The following BTBD9 variants were observed in gnomAD, a reference collection of about 807,000 sequenced individuals.
BTBD9 encodes the protein BTB/POZ domain-containing protein 9.
A neutral mutation model predicts 64.3 loss-of-function variants in BTBD9; 49 were observed. The ratio of observed to expected loss-of-function variants is 0.76; its 90% confidence interval spans 0.61 to 0.97. BTBD9 has a LOEUF of 0.97. Among genes scored for constraint, BTBD9 ranks in the 50% least tolerant of loss-of-function variants. The probability of loss-of-function intolerance (pLI) is 0.00; values close to 1 mark genes in which losing one functional copy is unlikely to be tolerated. For synonymous variants in BTBD9, 260 were observed against 274.7 expected, an observed-to-expected ratio of 0.95 and a Z score of 0.53; for missense variants, 598 against 762.1, an observed-to-expected ratio of 0.78 and a Z score of 2.53.
rs569950242 is a variant in BTBD9 at position 38,355,457 on chromosome 6, C to A, written c.1155-10364G>T. Among the ~76,000 whole-genome samples, 668 of 152,230 alleles carry A rather than the reference C, an allele frequency of 4.4e-3. 1 individual carries two copies. The highest frequency in any genetic ancestry group is 0.031 in the Middle Eastern group (9 of 292). ...CCCCAAAGCTTCTTGAGAGTTTTAC[C>A]ATTCATGACCTAGACTCTGCTGGTA... On this transcript the variant is annotated intron_variant, in intron 6 of 10. Coordinates refer to ENST00000481247, the MANE Select transcript of BTBD9 (RefSeq NM_001099272.2).
At chr6:38,579,825 A>G (rs1304721856) in intron 5 of BTBD9, among the ~76,000 whole-genome samples, 1 of 152,184 alleles carries the variant, frequency 6.6e-6, no homozygotes, top group Non-Finnish European at 1.5e-5. Context: ...AGCTTTTTGT[A>G]TATCTAATCT....
chr6:38,585,988 A>G (rs1776505690), intron 4 of BTBD9, among the ~76,000 whole-genome samples: 1 of 150,716 alleles, frequency 6.6e-6, no homozygotes, highest in African/African-American at 2.4e-5. Flanking sequence ...ACGCATATTT[A>G]TGTGTTAACC....
rs61334171 is a variant in BTBD9, at chr6:38,378,873, C to CA, written c.1155-33781dup. The stretch of plus-strand genomic sequence containing the variant: ...TGGGCGACAAAGCAAGACTCCATCT[C>CA]AAAAAAAAAAAAAAAGAAAAAAAAG... On this transcript the variant is annotated intron_variant, in intron 6 of 10. Transcript: ENST00000481247. 2.9e-3 allele frequency among the ~76,000 whole-genome samples: 317 copies of CA among 110,088 alleles called. 2 individuals are homozygous for CA. Among genetic ancestry groups the CA allele is most frequent in the African/African-American group, 2.9e-3 (93 of 32,070 alleles). The allele number at this position is 110,088 out of a possible 152,430, so 72.2% of individuals were successfully genotyped here.
intron 9 of BTBD9, among the ~76,000 whole-genome samples, chr6:38,203,063 T>C (rs1293693551): frequency 6.6e-6 from 1 of 152,088 alleles, no homozygotes; most frequent in African/African-American, 2.4e-5. Context: ...CCAAAGGGTA[T>C]ATGAAAAAAT....
At chr6:38,475,912 G>A (rs1010426166) in intron 6 of BTBD9, among the ~76,000 whole-genome samples, 1 of 152,108 alleles carries the variant, frequency 6.6e-6, no homozygotes, top group African/African-American at 2.4e-5. Flanking sequence ...CTGGAAACAC[G>A]ATGGCTCTAG....
intron 8 of BTBD9, among the ~76,000 whole-genome samples, chr6:38,269,631 C>T (rs1391619886): frequency 6.6e-6 from 1 of 151,244 alleles, no homozygotes; most frequent in Non-Finnish European, 1.5e-5. Flanking sequence ...CTATACTGAA[C>T]AGGAGGCCCA....
chr6:38,324,553 C>T (rs1763348610), intron 7 of BTBD9, among the ~76,000 whole-genome samples: 2 of 152,070 alleles, frequency 1.3e-5, no homozygotes, highest in Admixed American at 6.5e-5. Context: ...CAGACTATGG[C>T]AACAGGGAGA....
In BTBD9 at chr6:38,371,414, C is replaced by T. The variant is rs182929690; in HGVS notation, c.1155-26321G>A. 9.1e-4 allele frequency among the ~76,000 whole-genome samples: 138 copies of T among 152,310 alleles called. No homozygotes were observed. The Middle Eastern group carries it at 0.01, about 11-fold the overall frequency. ...GCTAAGAACACTTAGGATTACCAGA[C>T]GATCACTGGCTGGGAGGACTAGGGT... On this transcript the variant is annotated intron_variant, in intron 6 of 10. Coordinates refer to ENST00000481247, the MANE Select transcript of BTBD9 (RefSeq NM_001099272.2).
At chr6:38,580,619 G>A (rs1232142605) in intron 4 of BTBD9, among the ~76,000 whole-genome samples, 182 bp from the exon 5 acceptor site, 1 of 152,184 alleles carries the variant, frequency 6.6e-6, no homozygotes, top group Non-Finnish European at 1.5e-5. Context: ...TCAGAGGCCG[G>A]GTGCAGTGGC....
Position 38,237,875 on chromosome 6 carries a change from T to C in BTBD9, c.1562+18534A>G, listed in dbSNP as rs975155848. On this transcript the variant is annotated intron_variant, in intron 9 of 10. Coordinates refer to ENST00000481247, the MANE Select transcript of BTBD9 (RefSeq NM_001099272.2). ...AAAATCAGCCAGATATGGTAGCTCA[T>C]GCCTCTACTCCCAGCACTTTGGGAG... 5.9e-5 allele frequency among the ~76,000 whole-genome samples: 9 copies of C among 151,900 alleles called. No individual in the cohort carries two copies. The East Asian group carries it at 1.7e-3, about 29-fold the overall frequency.
chr6:38,401,741 T>A (rs1403486239), intron 6 of BTBD9, among the ~76,000 whole-genome samples: 2 of 152,158 alleles, frequency 1.3e-5, no homozygotes, highest in Non-Finnish European at 2.9e-5. Context: ...GTGACCTGGG[T>A]TCAAGTTCCA....
chr6:38,463,385 C>T (rs1007549074), intron 6 of BTBD9, among the ~76,000 whole-genome samples: 4 of 152,232 alleles, frequency 2.6e-5, no homozygotes, highest in African/African-American at 9.6e-5. Flanking sequence ...CCTTGCCTTA[C>T]TGCATTAGCT....
intron 6 of BTBD9, among the ~76,000 whole-genome samples, chr6:38,457,187 T>A (rs1769859037): frequency 6.6e-6 from 1 of 152,110 alleles, no homozygotes; most frequent in Non-Finnish European, 1.5e-5. Flanking sequence ...CAGCAAACCA[T>A]TTAAGGTCAC....
Position 38,214,009 on chromosome 6 carries a change from A to AT in BTBD9, c.1563-21413_1563-21412insA, listed in dbSNP as rs879736671. 4.8e-3 allele frequency among the ~76,000 whole-genome samples: 493 copies of AT among 103,570 alleles called. 10 individuals are homozygous for AT. The highest frequency in any genetic ancestry group is 0.046 in the Admixed American group (424 of 9,318). 67.9% of individuals were successfully genotyped at this position (103,570 alleles called of 152,430 possible). On this transcript the variant is annotated intron_variant, in intron 9 of 10. Transcript: ENST00000481247. ...AGACTCCATCTCAAATAAACAAACA[A>AT]AAATAATAATAATAATAATAATAAT...
In BTBD9 at chr6:38,171,648, C is replaced by T. The variant is rs1427800321; in HGVS notation, c.*3337G>A. 1 of 149,178 alleles carries T rather than the reference C, an allele frequency of 6.7e-6. No individual in the cohort carries two copies. Among genetic ancestry groups the T allele is most frequent in the East Asian group, 2.0e-4 (1 of 4,966 alleles). 9.2% of individuals were successfully genotyped at this position (149,178 alleles called of 1,614,324 possible). On this transcript the variant is annotated 3_prime_UTR_variant, in exon 11 of 11. Coordinates refer to ENST00000481247, the MANE Select transcript of BTBD9 (RefSeq NM_001099272.2). ...GGCGGGGGGTGGTTCATAGCTGCTTCAAGTCCAAAGTGCTCACAACGGCTC... is the reference window on the plus strand; with the variant it reads ...GGCGGGGGGTGGTTCATAGCTGCTTTAAGTCCAAAGTGCTCACAACGGCTC...
rs1038951936 is a variant in BTBD9, at chr6:38,302,649, T to C, written c.1265-14188A>G. On this transcript the variant is annotated intron_variant, in intron 7 of 10. Transcript: ENST00000481247. ...TCTCTGTCATAGATTTCATTTCCTTTAGATATATACCCAGTAGTGGGATTG... is the reference window on the plus strand; with the variant it reads ...TCTCTGTCATAGATTTCATTTCCTTCAGATATATACCCAGTAGTGGGATTG... Among the ~76,000 whole-genome samples, 3 of 151,824 alleles carry C rather than the reference T, an allele frequency of 2.0e-5. No homozygotes were observed. In the East Asian group the frequency reaches 5.8e-4, roughly 29 times the overall value.
Position 38,465,888 on chromosome 6 carries a change from T to C in BTBD9, c.1154+111712A>G, listed in dbSNP as rs117288905. On this transcript the variant is annotated intron_variant, in intron 6 of 10. Transcript: ENST00000481247. ...CTCTGTTGTCCAGGCCAGAGTGCCG[T>C]GGTATGATCATGGCTCATTGCAGCT... is the stretch of plus-strand genomic sequence containing the variant. 9.5e-4 allele frequency among the ~76,000 whole-genome samples: 133 copies of C among 140,038 alleles called. 1 individual carries two copies. In the South Asian group the frequency reaches 0.016, roughly 17 times the overall value. The allele number at this position is 140,038 out of a possible 152,430, so 91.9% of individuals were successfully genotyped here.
At chr6:38,328,882 G>C (rs1402797232) in intron 7 of BTBD9, among the ~76,000 whole-genome samples, 6 of 151,096 alleles carry the variant, frequency 4.0e-5, no homozygotes, top group Non-Finnish European at 7.4e-5. Context: ...GGGAGGTGGA[G>C]TTTGCAGTGA....
chr6:38,443,528 C>G (rs1270224189), intron 6 of BTBD9, among the ~76,000 whole-genome samples: 1 of 152,166 alleles, frequency 6.6e-6, no homozygotes, highest in Admixed American at 6.5e-5. Flanking sequence ...CACTTCCTCT[C>G]TCCTCCAAAA....
Sources: gnomAD v4.1 joint callset for allele counts (sites outside exome capture counted in the v4.1 genomes callset) on GRCh38, gnomAD v4.1.1 for gene constraint, MANE v1.5 for transcripts, NCBI Gene and HGNC (gene_info 2026-07-23, HGNC 2026-07-21) for gene names.